The following RAD54B variants were observed in gnomAD, a reference collection of about 807,000 sequenced individuals.
The protein encoded by RAD54B is RAD54 homolog B, also known as DNA repair and recombination protein RAD54B.
In RAD54B, 78 loss-of-function variants were observed where a neutral mutation model predicts 95.8. That is an observed-to-expected ratio of 0.81 (90% CI 0.68 to 0.98). The LOEUF is 0.98. Among genes scored for constraint, RAD54B ranks in the 50% least tolerant of loss-of-function variants. The pLI, the probability that RAD54B is intolerant of heterozygous loss-of-function variation, is 0.00. For missense variants in RAD54B, 957 were observed against 1,056.6 expected (o/e 0.91, Z 1.31); for synonymous variants, 328 against 354.9 (o/e 0.92, Z 0.85).
At chr8:94,421,087 T>A (rs1811797921) in intron 3 of RAD54B, among the ~76,000 whole-genome samples, 1 of 152,112 alleles carries the variant, frequency 6.6e-6, no homozygotes, top group Non-Finnish European at 1.5e-5. Context: ...CTGCCTCTGC[T>A]TCTTCAAATT....
intron 3 of RAD54B, chr8:94,430,056 G>A (rs1041375613): frequency 5.6e-5 from 55 of 979,394 alleles, no homozygotes; most frequent in Middle Eastern, 5.2e-4. Context: ...GCTCAAGCCT[G>A]TAATCCCAGC....
chr8:94,426,279 A>AC (rs1275181454), intron 3 of RAD54B, among the ~76,000 whole-genome samples: 1 of 152,020 alleles, frequency 6.6e-6, no homozygotes, highest in African/African-American at 2.4e-5. Flanking sequence ...AAAAAAAAAA[A>AC]AACTCATACC....
At chr8:94,450,903 G>T (rs1563662149) in intron 3 of RAD54B, among the ~76,000 whole-genome samples, 1 of 152,026 alleles carries the variant, frequency 6.6e-6, no homozygotes, top group Non-Finnish European at 1.5e-5. Context: ...ATATATTTAA[G>T]ATAACAATAA....
chr8:94,400,165 T>C, intron 7 of RAD54B, 73 bp downstream of exon 7: 1 of 1,365,980 alleles, frequency 7.3e-7, no homozygotes. Context: ...AGTTAACAAG[T>C]AAAAACTGAA....
chr8:94,413,840 C>CT lies in RAD54B; in HGVS notation c.305-2526dup, dbSNP rs71273333. 1.4e-4 allele frequency among the ~76,000 whole-genome samples: 19 copies of CT among 131,236 alleles called. No homozygotes were observed. The East Asian group carries it at 2.1e-3, about 15-fold the overall frequency. The allele number at this position is 131,236 out of a possible 152,430, so 86.1% of individuals were successfully genotyped here. Reference sequence around the variant, plus strand: ...AGAATAATTATTCTTTTTTTTTTTTCTTTTTTTTTTTTTGAGACAGAGTTT... The same window carrying CT: ...AGAATAATTATTCTTTTTTTTTTTTCTTTTTTTTTTTTTTGAGACAGAGTTT... On this transcript the variant is annotated intron_variant, in intron 3 of 14. Coordinates refer to ENST00000336148, the MANE Select transcript of RAD54B (RefSeq NM_012415.3).
At chr8:94,421,657 A>G (rs1374216600) in intron 3 of RAD54B, among the ~76,000 whole-genome samples, 1 of 152,342 alleles carries the variant, frequency 6.6e-6, no homozygotes, top group Non-Finnish European at 1.5e-5. Context: ...TACAAGCCAG[A>G]AAACTGGAAA....
chr8:94,463,893 C>CAAAAAAAAAAAAA (rs553168595), intron 2 of RAD54B, among the ~76,000 whole-genome samples: 3 of 90,976 alleles, frequency 3.3e-5, no homozygotes, highest in Non-Finnish European at 6.6e-5. Context: ...GACCCTATCT[C>CAAAAAAAAAAAAA]AAAAAAAAAA....
intron 8 of RAD54B, among the ~76,000 whole-genome samples, chr8:94,395,680 G>C (rs1811126469): frequency 6.6e-6 from 1 of 152,110 alleles, no homozygotes; most frequent in Admixed American, 6.6e-5. Flanking sequence ...GACATGAGAA[G>C]TCATCACAGA....
Position 94,458,454 on chromosome 8 carries a change from A to C in RAD54B, c.136-18T>G. ...GCAACACCCTAAAAGAAACAAATAT[A>C]TATTTAAATCAGAACTCAAACCTAA... On this transcript the variant is annotated intron_variant, in intron 2 of 14. Transcript: ENST00000336148. 6.6e-7 allele frequency: 1 copy of C among 1,526,496 alleles called. No individual in the cohort carries two copies. The highest frequency in any genetic ancestry group is 1.3e-5 in the South Asian group (1 of 75,932). The allele number at this position is 1,526,496 out of a possible 1,614,324, so 94.6% of individuals were successfully genotyped here.
At chr8:94,389,676 A>G (rs1225828566) in intron 10 of RAD54B, among the ~76,000 whole-genome samples, 1 of 152,260 alleles carries the variant, frequency 6.6e-6, no homozygotes, top group Non-Finnish European at 1.5e-5. Flanking sequence ...TTTAGTTTCA[A>G]TAGAAACATA....
rs1487619098 is a variant in RAD54B at position 94,427,439 on chromosome 8, A to G, written c.305-16124T>C. Among the ~76,000 whole-genome samples, 3 of 152,050 alleles carry G rather than the reference A, an allele frequency of 2.0e-5. No homozygotes were observed. The East Asian group carries it at 5.8e-4, about 29-fold the overall frequency. ...ATGTTTAATTAGATTGCATATTCTA[A>G]GAACTTACTCTTGTTTAAGTATGCA... On this transcript the variant is annotated intron_variant, in intron 3 of 14. Transcript: ENST00000336148.
intron 3 of RAD54B, among the ~76,000 whole-genome samples, chr8:94,447,245 A>G (rs988607342): frequency 2.0e-5 from 3 of 152,174 alleles, no homozygotes; most frequent in Non-Finnish European, 4.4e-5. Flanking sequence ...ATCTAAATTT[A>G]CATATATCTT....
At chr8:94,396,044 G>T (rs1006671962) in intron 8 of RAD54B, among the ~76,000 whole-genome samples, 1 of 151,844 alleles carries the variant, frequency 6.6e-6, no homozygotes, top group African/African-American at 2.4e-5. Flanking sequence ...AACACAAGAA[G>T]GGAATAGGAA....
chr8:94,443,981 GT>G (rs1295086350), intron 3 of RAD54B, among the ~76,000 whole-genome samples: 5 of 151,764 alleles, frequency 3.3e-5, no homozygotes, highest in African/African-American at 4.8e-5. Flanking sequence ...AAATATACAA[GT>G]TTACCAATTT....
intron 3 of RAD54B, chr8:94,430,262 C>T (rs1812056395): frequency 1.2e-6 from 1 of 844,354 alleles, no homozygotes; most frequent in South Asian, 5.5e-5. Context: ...AGTGAGCCAA[C>T]ATCGCACCAC....
chr8:94,421,842 G>C (rs914657978), intron 3 of RAD54B, among the ~76,000 whole-genome samples: 1 of 152,164 alleles, frequency 6.6e-6, no homozygotes, highest in Non-Finnish European at 1.5e-5. Context: ...TTCCCAACAA[G>C]TCTACTGACA....
At chr8:94,430,760 T>C (rs1324110141) in intron 3 of RAD54B, 1 of 982,914 alleles carries the variant, frequency 1.0e-6, no homozygotes, top group African/African-American at 1.7e-5. Context: ...AGATTCCTCA[T>C]TAAAAAATGC....
intron 3 of RAD54B, among the ~76,000 whole-genome samples, chr8:94,422,587 CAAAAAAAAAAAAAA>C (rs60701725): frequency 1.5e-3 from 22 of 14,246 alleles, no homozygotes; most frequent in Non-Finnish European, 3.4e-3. Flanking sequence ...GACTTCGTCT[CAAAAAAAAAAAAAA>C]AAAAAAAAAA....
At chr8:94,379,294 AG>A (rs1810676634) in intron 12 of RAD54B, among the ~76,000 whole-genome samples, 1 of 152,218 alleles carries the variant, frequency 6.6e-6, no homozygotes, top group Admixed American at 6.5e-5. Context: ...TGATTAACTA[AG>A]GTCAGTCATG....
Sources: allele counts gnomAD v4.1 joint callset (sites outside exome capture counted in the v4.1 genomes callset), GRCh38; gene constraint gnomAD v4.1.1; transcripts MANE v1.5; gene names NCBI Gene and HGNC (gene_info 2026-07-23, HGNC 2026-07-21).